The following SCLT1 variants were observed in gnomAD, a reference collection of about 807,000 sequenced individuals.
SCLT1 encodes sodium channel and clathrin linker 1.
A neutral mutation model predicts 112.8 loss-of-function variants in SCLT1; 78 were observed. The ratio of observed to expected loss-of-function variants is 0.69; its 90% CI spans 0.58 to 0.83. The LOEUF (loss-of-function observed/expected upper bound fraction) is 0.83. SCLT1 is among the 40% of genes least tolerant of loss of function. The probability of loss-of-function intolerance (pLI) is 0.00; values close to 1 mark genes in which losing one functional copy is unlikely to be tolerated. For synonymous variants in SCLT1, 257 were observed against 254.7 expected (o/e 1.01, Z -0.09); for missense variants, 747 against 770.4 (o/e 0.97, Z 0.36).
rs184970320 is a variant in SCLT1 at position 129,029,957 on chromosome 4, G to T, written c.290+9084C>A. Among the ~76,000 whole-genome samples the T allele has an allele frequency of 6.2e-3, 948 of 152,016 alleles. 3 individuals are homozygous for T. The highest frequency in any genetic ancestry group is 0.011 in the Non-Finnish European group (760 of 67,964). On this transcript the variant is annotated intron_variant, in intron 5 of 20. Transcript: ENST00000281142. ...ACTTGAACTCAGCTCTGGACCAAGCGGACCTAATAGACATCTACAGAACTC... is the reference window on the plus strand; with the variant it reads ...ACTTGAACTCAGCTCTGGACCAAGCTGACCTAATAGACATCTACAGAACTC...
At chr4:128,901,715 T>G (rs1182109249) in intron 18 of SCLT1, among the ~76,000 whole-genome samples, 3 of 152,052 alleles carry the variant, frequency 2.0e-5, no homozygotes, top group Admixed American at 6.6e-5. Context: ...GTCCCCCTTC[T>G]TTTCAGGTCT....
chr4:128,937,277 C>A (rs1490985974), intron 17 of SCLT1, among the ~76,000 whole-genome samples: 14 of 113,320 alleles, frequency 1.2e-4, no homozygotes, highest in South Asian at 2.8e-4. Flanking sequence ...GACTCTGTCT[C>A]AAAAAAAAAA....
intron 5 of SCLT1, chr4:128,873,892 C>T (rs1168450076): frequency 3.3e-5 from 5 of 152,630 alleles, no homozygotes; most frequent in South Asian, 2.1e-4. Flanking sequence ...TCCCATCTTG[C>T]TATGCAAGTT....
intron 2 of SCLT1, among the ~76,000 whole-genome samples, chr4:129,053,998 C>A (rs1024535350): frequency 6.6e-6 from 1 of 152,020 alleles, no homozygotes; most frequent in Non-Finnish European, 1.5e-5. Context: ...GGTTTTATTT[C>A]TCCTTCGCTT....
chr4:128,879,599 C>T (rs928333137), downstream of SCLT1, among the ~76,000 whole-genome samples: 3 of 152,158 alleles, frequency 2.0e-5, no homozygotes, highest in African/African-American at 7.2e-5. Context: ...AAGGAAATAA[C>T]ACCTACCTAG....
intron 2 of SCLT1, among the ~76,000 whole-genome samples, chr4:129,062,049 T>C (rs1453620474): frequency 2.0e-5 from 3 of 150,916 alleles, no homozygotes; most frequent in African/African-American, 7.3e-5. Flanking sequence ...AGTGGCGAGG[T>C]CCGTAGGAGT....
At chr4:128,961,473 CAT>C (rs1560897454) in intron 11 of SCLT1, among the ~76,000 whole-genome samples, 1 of 151,984 alleles carries the variant, frequency 6.6e-6, no homozygotes. Context: ...GGCTTTATAA[CAT>C]GTTTGGTAAG....
At chr4:129,077,456 T>C (rs1751563660) in intron 2 of SCLT1, among the ~76,000 whole-genome samples, 1 of 152,164 alleles carries the variant, frequency 6.6e-6, no homozygotes, top group South Asian at 2.1e-4. Flanking sequence ...ACCATGACTT[T>C]TCACATCTCC....
chr4:129,036,757 A>T (rs1439760716), intron 5 of SCLT1: 3 of 151,968 alleles, frequency 2.0e-5, no homozygotes, highest in African/African-American at 7.2e-5. Context: ...TGTGCTATGT[A>T]ATTTTAAGGA....
intron 1 of SCLT1, among the ~76,000 whole-genome samples, chr4:129,084,774 A>C (rs1332575833): frequency 6.6e-6 from 1 of 152,252 alleles, no homozygotes; most frequent in Non-Finnish European, 1.5e-5. Flanking sequence ...CAATGAGGAA[A>C]GAATTCCCTA....
intron 16 of SCLT1, 146 bp from the exon 17 acceptor site, chr4:128,943,334 C>CAA (rs1737871223): frequency 3.5e-6 from 2 of 567,430 alleles, no homozygotes; most frequent in Non-Finnish European, 6.0e-6. Context: ...TATGTGGTTT[C>CAA]AAAATGTTAT....
chr4:129,083,666 GA>G (rs1208552697), intron 1 of SCLT1, among the ~76,000 whole-genome samples: 4 of 142,598 alleles, frequency 2.8e-5, no homozygotes, highest in African/African-American at 5.1e-5. Flanking sequence ...CTCTATCTCA[GA>G]AAAAAAAAAG....
At chr4:128,898,119 C>G (rs1426025136) in intron 18 of SCLT1, among the ~76,000 whole-genome samples, 1 of 152,086 alleles carries the variant, frequency 6.6e-6, no homozygotes, top group East Asian at 1.9e-4. Flanking sequence ...ATCAACGAGA[C>G]AGAAAGTTAA....
intron 5 of SCLT1, among the ~76,000 whole-genome samples, chr4:129,019,564 T>C (rs1047381051): frequency 3.3e-5 from 5 of 151,976 alleles, no homozygotes; most frequent in Non-Finnish European, 5.9e-5. Context: ...TATGCATATA[T>C]AACCACTATG....
chr4:128,901,195 C>T (rs1449828305), intron 18 of SCLT1, among the ~76,000 whole-genome samples: 1 of 152,184 alleles, frequency 6.6e-6, no homozygotes, highest in Non-Finnish European at 1.5e-5. Context: ...GATTATAAAT[C>T]ATGCTGCTAT....
At chr4:128,955,412 G>T (rs1007310043) in intron 13 of SCLT1, among the ~76,000 whole-genome samples, 1 of 152,054 alleles carries the variant, frequency 6.6e-6, no homozygotes, top group Non-Finnish European at 1.5e-5. Context: ...AGTGAACAAT[G>T]TATATTTTTT....
At chr4:128,993,714 T>C (rs772478734) in intron 8 of SCLT1, among the ~76,000 whole-genome samples, 1 of 152,102 alleles carries the variant, frequency 6.6e-6, no homozygotes, top group East Asian at 1.9e-4. Flanking sequence ...TTTCACTGAT[T>C]ATTTCATATG....
In SCLT1 at chr4:129,013,090, G is replaced by A. The variant is rs143266616; in HGVS notation, c.291-9214C>T. The stretch of plus-strand genomic sequence containing the variant: ...TTGTACATATTATTTCATTACCCAG[G>A]TATTAAGCCCAGTATCCAGTAGTTA... On this transcript the variant is annotated intron_variant, in intron 5 of 20. Coordinates refer to ENST00000281142, the MANE Select transcript of SCLT1 (RefSeq NM_144643.4). 7.6e-4 allele frequency among the ~76,000 whole-genome samples: 115 copies of A among 152,168 alleles called. 2 individuals are homozygous for A. The highest frequency in any genetic ancestry group is 2.7e-3 in the African/African-American group (111 of 41,518).
At chr4:129,050,574 T>A (rs901652586) in intron 2 of SCLT1, among the ~76,000 whole-genome samples, 1 of 151,942 alleles carries the variant, frequency 6.6e-6, no homozygotes. Context: ...CATTTTTTGA[T>A]GGGGTCATTT....
Sources: allele counts gnomAD v4.1 joint callset (sites outside exome capture counted in the v4.1 genomes callset), GRCh38; gene constraint gnomAD v4.1.1; transcripts MANE v1.5; gene names NCBI Gene and HGNC (gene_info 2026-07-23, HGNC 2026-07-21).